The following LEPR variants were observed in gnomAD, a reference collection of about 807,000 sequenced individuals.
LEPR encodes the protein leptin receptor, also known as OB receptor.
Under a neutral mutation model 114.7 loss-of-function variants are expected in LEPR, and 56 were observed. That is an observed-to-expected ratio of 0.49 (90% CI 0.39 to 0.61). LEPR has a LOEUF of 0.61. Among genes scored for constraint, LEPR ranks in the 20% least tolerant of loss-of-function variants. The probability of loss-of-function intolerance (pLI) is 0.00; values close to 1 mark genes in which losing one functional copy is unlikely to be tolerated. For synonymous variants in LEPR, 443 were observed against 461.4 expected, an observed-to-expected ratio of 0.96 and a Z score of 0.51; for missense variants, 1,202 against 1,352.9, an observed-to-expected ratio of 0.89 and a Z score of 1.75.
chr1:65,512,480 C>A (rs917205871), intron 2 of LEPR, among the ~76,000 whole-genome samples: 6 of 152,312 alleles, frequency 3.9e-5, no homozygotes, highest in African/African-American at 1.4e-4. Context: ...CTGAGCCTAG[C>A]ATAGTCATGT....
intron 2 of LEPR, among the ~76,000 whole-genome samples, chr1:65,443,522 T>G (rs1364482838): frequency 6.6e-6 from 1 of 151,368 alleles, no homozygotes; most frequent in Non-Finnish European, 1.5e-5. Context: ...ATTTCAAAAA[T>G]TTTTTGCTGG....
chr1:65,609,097 AGT>A (rs1286393245), intron 12 of LEPR, among the ~76,000 whole-genome samples, 196 bp downstream of exon 12: 2 of 152,198 alleles, frequency 1.3e-5, no homozygotes, highest in African/African-American at 4.8e-5. Flanking sequence ...CATTCCCTGA[AGT>A]GTGTTTTATA....
chr1:65,610,403 GTAT>G, intron 14 of LEPR, 107 bp downstream of exon 14: 1 of 935,980 alleles, frequency 1.1e-6, no homozygotes, highest in Non-Finnish European at 1.6e-6. Context: ...CAACAATCCT[GTAT>G]TTTCATTGCA....
chr1:65,488,151 CCTTCCTTCCTTTCTTT>C (rs1647607492), intron 2 of LEPR, among the ~76,000 whole-genome samples: 1 of 87,392 alleles, frequency 1.1e-5, no homozygotes, highest in East Asian at 2.7e-4. Flanking sequence ...CTCCTTCCTT[CCTTCCTTCCTTTCTTT>C]CTTTCTTTCT....
intron 2 of LEPR, among the ~76,000 whole-genome samples, chr1:65,492,580 A>C (rs986847286): frequency 6.6e-6 from 1 of 152,014 alleles, no homozygotes; most frequent in Admixed American, 6.6e-5. Flanking sequence ...TAATTGCAAA[A>C]CTAGTTTTAT....
At chr1:65,467,766 C>T (rs1012388009) in intron 2 of LEPR, among the ~76,000 whole-genome samples, 5 of 152,194 alleles carry the variant, frequency 3.3e-5, no homozygotes, top group South Asian at 2.1e-4. Flanking sequence ...TGCTCCTCCC[C>T]CAGTCAAGCT....
chr1:65,469,366 T>G (rs1402913019), intron 2 of LEPR, among the ~76,000 whole-genome samples: 1 of 152,190 alleles, frequency 6.6e-6, no homozygotes. Flanking sequence ...AACTAGAACA[T>G]CACAGGGTGT....
rs117442138 is a variant in LEPR, at chr1:65,524,503, A to G, written c.-20-41043A>G. ...GCGATTCCTATGAAGGAGAAGCTCC[A>G]TTTGCGAAGTTATAGCAAGGTTCCT... On this transcript the variant is annotated intron_variant, in intron 2 of 19. Coordinates refer to ENST00000349533, the MANE Select transcript of LEPR (RefSeq NM_002303.6). 1.0e-3 allele frequency among the ~76,000 whole-genome samples: 154 copies of G among 152,326 alleles called. No individual in the cohort carries two copies. The East Asian group carries it at 0.022, about 22-fold the overall frequency.
At chr1:65,553,481 C>T (rs1382158657) in intron 2 of LEPR, among the ~76,000 whole-genome samples, 2 of 152,048 alleles carry the variant, frequency 1.3e-5, no homozygotes, top group African/African-American at 4.8e-5. Flanking sequence ...CAATCTCTGA[C>T]ATCCTTTCTT....
intron 2 of LEPR, among the ~76,000 whole-genome samples, chr1:65,542,698 G>C (rs1000903849): frequency 1.3e-5 from 2 of 151,916 alleles, no homozygotes; most frequent in African/African-American, 4.9e-5. Context: ...CCACTTGTGA[G>C]TGAGAACATG....
At chr1:65,425,687 C>T (rs767656635) in intron 2 of LEPR, among the ~76,000 whole-genome samples, 17 of 152,180 alleles carry the variant, frequency 1.1e-4, no homozygotes, top group South Asian at 4.1e-4. Context: ...GACAGGCAAA[C>T]GGTCTAGTCA....
intron 2 of LEPR, among the ~76,000 whole-genome samples, chr1:65,550,614 C>T (rs1185588242): frequency 6.6e-6 from 1 of 152,214 alleles, no homozygotes; most frequent in African/African-American, 2.4e-5. Flanking sequence ...GTAGGACCCT[C>T]CGAACCAAGT....
intron 6 of LEPR, among the ~76,000 whole-genome samples, chr1:65,594,331 A>T (rs939053461): frequency 3.3e-5 from 5 of 152,066 alleles, no homozygotes; most frequent in Non-Finnish European, 7.4e-5. Flanking sequence ...TGAAAGAGAT[A>T]TGAGAGTATT....
At chr1:65,449,639 G>T (rs375004393) in intron 2 of LEPR, among the ~76,000 whole-genome samples, 1 of 151,706 alleles carries the variant, frequency 6.6e-6, no homozygotes. Context: ...CTTCCCTCCG[G>T]CAACTACCTG....
At chr1:65,600,471 G>A (rs1388052481) in intron 8 of LEPR, among the ~76,000 whole-genome samples, 1 of 151,970 alleles carries the variant, frequency 6.6e-6, no homozygotes, top group African/African-American at 2.4e-5. Context: ...ACCAATTAAA[G>A]TATTTTTGTT....
chr1:65,472,670 TGTAATTG>T, intron 2 of LEPR, among the ~76,000 whole-genome samples: 1 of 147,936 alleles, frequency 6.8e-6, no homozygotes, highest in South Asian at 2.1e-4. Context: ...TTTAAAAGAG[TGTAATTG>T]ATGCCAAAGC....
At chr1:65,618,286 C>A in intron 16 of LEPR, 140 bp downstream of exon 16, 1 of 630,398 alleles carries the variant, frequency 1.6e-6, no homozygotes, top group Non-Finnish European at 2.5e-6. Flanking sequence ...AATCCTATAA[C>A]CTTTATCAAA....
chr1:65,475,073 C>G (rs1375249737), intron 2 of LEPR, among the ~76,000 whole-genome samples: 3 of 85,800 alleles, frequency 3.5e-5, no homozygotes, highest in Non-Finnish European at 7.7e-5. Flanking sequence ...AAAAAAAAGA[C>G]AAGAGAATTA....
intron 2 of LEPR, among the ~76,000 whole-genome samples, chr1:65,440,780 G>A (rs764412263): frequency 2.6e-5 from 4 of 152,134 alleles, no homozygotes; most frequent in Admixed American, 1.3e-4. Context: ...GAGATGAGAC[G>A]CCACTAGAGA....
Sources: gnomAD v4.1 joint callset for allele counts (sites outside exome capture counted in the v4.1 genomes callset) on GRCh38, gnomAD v4.1.1 for gene constraint, MANE v1.5 for transcripts, NCBI Gene and HGNC (gene_info 2026-07-23, HGNC 2026-07-21) for gene names.